PVT1: variants seen among roughly 807,000 people sequenced by gnomAD.
PVT1 encodes the protein Pvt1 oncogene.
intron 5 of PVT1, among the ~76,000 whole-genome samples, chr8:128,078,022 C>T (rs1395272163): frequency 6.6e-6 from 1 of 152,200 alleles, no homozygotes; most frequent in Non-Finnish European, 1.5e-5. Context: ...CCTTCAGGAG[C>T]TGCACTTCCA....
At chr8:128,101,054 G>C (rs1814497358) in intron 6 of PVT1, 1 of 151,952 alleles carries the variant, frequency 6.6e-6, no homozygotes, top group Non-Finnish European at 1.5e-5. Flanking sequence ...AGCCCAACAG[G>C]AGGACAGCTT....
At chr8:128,007,639 G>A (rs1008846474) in intron 4 of PVT1, among the ~76,000 whole-genome samples, 2 of 152,202 alleles carry the variant, frequency 1.3e-5, no homozygotes, top group Non-Finnish European at 2.9e-5. Context: ...CCTGTTAACA[G>A]ACATTTCTGG....
chr8:127,842,885 T>A (rs1398835756), intron 2 of PVT1, among the ~76,000 whole-genome samples: 1 of 152,308 alleles, frequency 6.6e-6, no homozygotes, highest in Non-Finnish European at 1.5e-5. Flanking sequence ...GATTGCCTAG[T>A]ACCCAACTTC....
chr8:128,044,264 C>A (rs1813585786), intron 4 of PVT1, among the ~76,000 whole-genome samples: 2 of 151,882 alleles, frequency 1.3e-5, no homozygotes, highest in Non-Finnish European at 2.9e-5. Flanking sequence ...CACCTATCAT[C>A]ATCTGACCCA....
chr8:127,833,473 T>C (rs964423973), intron 2 of PVT1, among the ~76,000 whole-genome samples: 1 of 151,932 alleles, frequency 6.6e-6, no homozygotes, highest in Non-Finnish European at 1.5e-5. Context: ...TTTTTTTTTT[T>C]TCCCAGACAG....
At chr8:127,809,646 T>A (rs961017332) in intron 2 of PVT1, among the ~76,000 whole-genome samples, 1 of 152,196 alleles carries the variant, frequency 6.6e-6, no homozygotes, top group African/African-American at 2.4e-5. Flanking sequence ...TCTGGTGGGA[T>A]GCTTGGCTTT....
intron 3 of PVT1, among the ~76,000 whole-genome samples, chr8:127,976,459 G>A (rs865982253): frequency 6.6e-6 from 1 of 152,168 alleles, no homozygotes; most frequent in African/African-American, 2.4e-5. Context: ...TGTTAAAGGA[G>A]AGCTGCTTTG....
intron 4 of PVT1, among the ~76,000 whole-genome samples, chr8:128,041,610 GGT>G (rs58542209): frequency 2.2e-3 from 198 of 88,878 alleles, no homozygotes; most frequent in African/African-American, 3.8e-3. Context: ...ACATGTGTTT[GGT>G]GTGTGTGTGT....
At chr8:127,953,023 G>A (rs56223526) in intron 3 of PVT1, among the ~76,000 whole-genome samples, 3 of 151,958 alleles carry the variant, frequency 2.0e-5, no homozygotes, top group African/African-American at 4.8e-5. Context: ...CTTGGCCTCC[G>A]AAAGTGCTGG....
intron 4 of PVT1, among the ~76,000 whole-genome samples, chr8:128,034,803 A>C (rs149061146): frequency 7.2e-5 from 11 of 152,298 alleles, no homozygotes; most frequent in Non-Finnish European, 1.3e-4. Context: ...GCTCAACCTT[A>C]GAGTTTGACA....
intron 4 of PVT1, among the ~76,000 whole-genome samples, chr8:128,002,676 A>T (rs1817194402): frequency 6.6e-6 from 1 of 152,004 alleles, no homozygotes; most frequent in Non-Finnish European, 1.5e-5. Flanking sequence ...TTTGTGTCCA[A>T]ATTTCCCTTT....
At chr8:127,887,558 C>T (rs1437858738) in intron 2 of PVT1, among the ~76,000 whole-genome samples, 2 of 152,144 alleles carry the variant, frequency 1.3e-5, no homozygotes, top group Non-Finnish European at 2.9e-5. Context: ...TTACTCTGTG[C>T]TCTGCCACCC....
intron 4 of PVT1, among the ~76,000 whole-genome samples, chr8:128,041,315 G>C (rs558064591): frequency 2.8e-5 from 4 of 140,372 alleles, no homozygotes; most frequent in African/African-American, 1.0e-4. Context: ...TCATGTTTGT[G>C]CATGTGTGTG....
At chr8:128,006,007 T>G (rs2016845) in intron 4 of PVT1, among the ~76,000 whole-genome samples, 127,016 of 151,558 alleles carry the variant, frequency 0.84, 53,370 homozygotes, top group East Asian at 0.89. Flanking sequence ...GGGGGCTGAA[T>G]AAGGAGAATC....
At chr8:127,927,204 T>C (rs895315394) in intron 3 of PVT1, among the ~76,000 whole-genome samples, 6 of 152,206 alleles carry the variant, frequency 3.9e-5, no homozygotes, top group African/African-American at 1.4e-4. Flanking sequence ...CTTGCATTAT[T>C]GTGGGGATCG....
At chr8:127,951,490 A>T (rs1816505011) in intron 3 of PVT1, among the ~76,000 whole-genome samples, 1 of 152,204 alleles carries the variant, frequency 6.6e-6, no homozygotes, top group Non-Finnish European at 1.5e-5. Context: ...TGGATCTGAC[A>T]TCTGAGGGAC....
At chr8:128,041,989 T>C (rs1014529651) in intron 4 of PVT1, among the ~76,000 whole-genome samples, 3 of 152,236 alleles carry the variant, frequency 2.0e-5, no homozygotes, top group African/African-American at 7.2e-5. Flanking sequence ...TTGATTATTC[T>C]GGCATCTTCC....
chr8:127,809,489 C>T (rs951896927), intron 2 of PVT1, among the ~76,000 whole-genome samples: 7 of 152,168 alleles, frequency 4.6e-5, no homozygotes, highest in East Asian at 1.9e-4. Flanking sequence ...CCATCATGCT[C>T]GGCTCTATGG....
rs192177306 is a variant in PVT1, at chr8:127,950,163, C to T, written n.783-38999C>T. On this transcript the variant is annotated intron_variant and non_coding_transcript_variant, in intron 3 of 10. Coordinates refer to ENST00000651587, the Ensembl canonical transcript of PVT1. Reference sequence around the variant, plus strand: ...CTTCCGGGGCACATGCTCTTCTAATCTCCCTTTTACTGATGATGCAGGCTT... The same window carrying T: ...CTTCCGGGGCACATGCTCTTCTAATTTCCCTTTTACTGATGATGCAGGCTT... Among the ~76,000 whole-genome samples, 150 of 152,370 alleles carry T rather than the reference C, an allele frequency of 9.8e-4. 1 individual carries two copies. Among genetic ancestry groups the T allele is most frequent in the African/African-American group, 3.4e-3 (143 of 41,584 alleles).
Sources: gnomAD v4.1 joint callset for allele counts (sites outside exome capture counted in the v4.1 genomes callset) on GRCh38, gnomAD v4.1.1 for gene constraint, MANE v1.5 for transcripts, NCBI Gene and HGNC (gene_info 2026-07-23, HGNC 2026-07-21) for gene names.